Variants in PDGFD observed in about 807,000 individuals in gnomAD.
PDGFD encodes the protein platelet derived growth factor D.
PDGFD carries 30 observed loss-of-function variants against 44.7 expected under a neutral mutation model. The ratio of observed to expected loss-of-function variants is 0.67; its 90% CI spans 0.50 to 0.91. PDGFD has a LOEUF of 0.91. Ranked by LOEUF, PDGFD falls within the 40% of genes least tolerant of loss-of-function variation. The pLI is 0.00. For missense variants in PDGFD, 445 were observed against 457.8 expected, an observed-to-expected ratio of 0.97 and a Z score of 0.25; for synonymous variants, 173 against 168.4, an observed-to-expected ratio of 1.03 and a Z score of -0.21.
At chr11:104,144,537 A>T (rs1862135301) in intron 1 of PDGFD, among the ~76,000 whole-genome samples, 1 of 115,730 alleles carries the variant, frequency 8.6e-6, no homozygotes, top group Non-Finnish European at 1.8e-5. Flanking sequence ...AACCCAACAA[A>T]ACAAAACAAA....
At chr11:103,962,343 A>T (rs1446561075) in intron 3 of PDGFD, among the ~76,000 whole-genome samples, 1 of 152,176 alleles carries the variant, frequency 6.6e-6, no homozygotes, top group East Asian at 1.9e-4. Context: ...GATTCAATAG[A>T]TGAGAATCCC....
chr11:103,984,259 G>A (rs1013328936), intron 3 of PDGFD, among the ~76,000 whole-genome samples: 2 of 151,714 alleles, frequency 1.3e-5, no homozygotes, highest in Non-Finnish European at 2.9e-5. Context: ...ATCCTTTGCA[G>A]GGACATGGAT....
At chr11:103,919,686 T>C (rs1201727935) in intron 6 of PDGFD, among the ~76,000 whole-genome samples, 3 of 151,752 alleles carry the variant, frequency 2.0e-5, no homozygotes, top group African/African-American at 7.3e-5. Flanking sequence ...TTTTTGTATT[T>C]TTAGTAGAGA....
At chr11:104,026,353 T>C (rs1860042119) in intron 1 of PDGFD, among the ~76,000 whole-genome samples, 1 of 152,188 alleles carries the variant, frequency 6.6e-6, no homozygotes, top group Admixed American at 6.5e-5. Flanking sequence ...TATTGGTGAG[T>C]AGAAGAAAAT....
intron 3 of PDGFD, among the ~76,000 whole-genome samples, chr11:103,987,252 C>T (rs1859381497): frequency 6.6e-6 from 1 of 152,182 alleles, no homozygotes; most frequent in Non-Finnish European, 1.5e-5. Flanking sequence ...TAAGGTGAAC[C>T]CGTCAGCTGG....
intron 1 of PDGFD, among the ~76,000 whole-genome samples, chr11:104,030,536 A>G (rs951170472): frequency 1.3e-5 from 2 of 152,232 alleles, no homozygotes; most frequent in Non-Finnish European, 2.9e-5. Flanking sequence ...AAAGAAACAC[A>G]GCATTCGTTA....
intron 1 of PDGFD, among the ~76,000 whole-genome samples, chr11:104,043,899 A>T (rs1179075927): frequency 6.6e-6 from 1 of 152,200 alleles, no homozygotes; most frequent in East Asian, 1.9e-4. Context: ...CATCTCCAAC[A>T]TTGTGAATCA....
chr11:104,010,188 T>C (rs1185409292), intron 1 of PDGFD, among the ~76,000 whole-genome samples: 4 of 152,024 alleles, frequency 2.6e-5, no homozygotes, highest in Admixed American at 6.6e-5. Context: ...ACATATCTTT[T>C]TTTTTTTTTA....
intron 3 of PDGFD, among the ~76,000 whole-genome samples, chr11:103,984,403 C>T (rs1859321636): frequency 6.6e-6 from 1 of 151,424 alleles, no homozygotes; most frequent in Non-Finnish European, 1.5e-5. Context: ...ACACTGGGGC[C>T]TTTCAAAGGG....
intron 1 of PDGFD, among the ~76,000 whole-genome samples, chr11:104,062,571 T>C (rs1048826229): frequency 6.6e-6 from 1 of 152,228 alleles, no homozygotes; most frequent in African/African-American, 2.4e-5. Flanking sequence ...AATAATTACT[T>C]ATATTAATTC....
intron 1 of PDGFD, among the ~76,000 whole-genome samples, chr11:104,111,514 T>A (rs1453722627): frequency 3.9e-5 from 6 of 152,128 alleles, no homozygotes; most frequent in Non-Finnish European, 8.8e-5. Flanking sequence ...TGCCTTGGCT[T>A]CCCAAAGTGC....
intron 1 of PDGFD, among the ~76,000 whole-genome samples, chr11:104,043,284 C>T (rs1013556628): frequency 6.6e-6 from 1 of 152,156 alleles, no homozygotes; most frequent in Admixed American, 6.5e-5. Flanking sequence ...TGATGGATTT[C>T]TTCACGCAGC....
intron 1 of PDGFD, among the ~76,000 whole-genome samples, chr11:104,155,473 C>G (rs1862294428): frequency 6.6e-6 from 1 of 152,186 alleles, no homozygotes; most frequent in South Asian, 2.1e-4. Flanking sequence ...GGCAGGAAAA[C>G]TACTAGCTGT....
intron 3 of PDGFD, among the ~76,000 whole-genome samples, chr11:103,964,511 T>C (rs954733057): frequency 6.6e-6 from 1 of 152,148 alleles, no homozygotes; most frequent in African/African-American, 2.4e-5. Flanking sequence ...TTTTGTGCAC[T>C]CTAACATATG....
At chr11:104,049,588 G>C (rs1187930354) in intron 1 of PDGFD, among the ~76,000 whole-genome samples, 2 of 151,904 alleles carry the variant, frequency 1.3e-5, no homozygotes, top group South Asian at 4.1e-4. Flanking sequence ...GTTAAAAATA[G>C]AAGGGCTAAG....
chr11:103,972,012 C>T (rs1262737901), intron 3 of PDGFD, among the ~76,000 whole-genome samples: 1 of 152,080 alleles, frequency 6.6e-6, no homozygotes, highest in Non-Finnish European at 1.5e-5. Context: ...TAATCCTGAC[C>T]CTTCCCTCCT....
At chr11:104,114,879 G>GT (rs113492620) in intron 1 of PDGFD, among the ~76,000 whole-genome samples, 253 of 142,244 alleles carry the variant, frequency 1.8e-3, no homozygotes, top group Middle Eastern at 3.6e-3. Flanking sequence ...ACATTTTTAG[G>GT]TTTTTTTTTT....
At chr11:104,036,807 C>T (rs201327933) in intron 1 of PDGFD, 9 of 1,604,358 alleles carry the variant, frequency 5.6e-6, no homozygotes, top group South Asian at 1.1e-5. Context: ...TAGCCCGGCC[C>T]GCCCGGGCCC....
At position 104,046,884 on chromosome 11, in the gene PDGFD, C is replaced by G. The variant is rs1860450042; in HGVS notation, c.125-46629G>C. On this transcript the variant is annotated intron_variant, in intron 1 of 6. Transcript: ENST00000393158. ...TTAGGTATTTATCCTAATGCTATCC[C>G]TCCCCTAGCCCTCCACCCCCGACAG... Among the ~76,000 whole-genome samples, 3 of 146,328 alleles carry G rather than the reference C, an allele frequency of 2.1e-5. 1 individual carries two copies. The highest frequency in any genetic ancestry group is 4.6e-5 in the Non-Finnish European group (3 of 65,750).
Sources: gnomAD v4.1 joint callset for allele counts (sites outside exome capture counted in the v4.1 genomes callset) on GRCh38, gnomAD v4.1.1 for gene constraint, MANE v1.5 for transcripts, NCBI Gene and HGNC (gene_info 2026-07-23, HGNC 2026-07-21) for gene names.